GOLM2: variants seen among roughly 807,000 people sequenced by gnomAD.
GOLM2 encodes the protein protein GOLM2.
A neutral mutation model predicts 55.9 loss-of-function variants in GOLM2; 26 were observed. That is an observed-to-expected ratio of 0.47 (90% CI 0.34 to 0.65). The LOEUF (loss-of-function observed/expected upper bound fraction) is 0.65. Among genes scored for constraint, GOLM2 ranks in the 30% least tolerant of loss-of-function variants. The pLI, the probability that GOLM2 is intolerant of heterozygous loss-of-function variation, is 0.01. For synonymous variants in GOLM2, 165 were observed against 194.6 expected, an observed-to-expected ratio of 0.85 and a Z score of 1.27; for missense variants, 486 against 531.8, an observed-to-expected ratio of 0.91 and a Z score of 0.85.
At chr15:44,405,848 C>T (rs184610878) in intron 9 of GOLM2, among the ~76,000 whole-genome samples, 1 of 152,062 alleles carries the variant, frequency 6.6e-6, no homozygotes, top group Non-Finnish European at 1.5e-5. Context: ...CCTCGAACTC[C>T]TGACCTCAAG....
At chr15:44,390,498 C>T (rs191562246) in intron 8 of GOLM2, 9 of 152,190 alleles carry the variant, frequency 5.9e-5, no homozygotes, top group African/African-American at 1.9e-4. Context: ...ATTAATCATT[C>T]TCCCAAGGAA....
intron 6 of GOLM2, among the ~76,000 whole-genome samples, chr15:44,369,687 TATGC>T (rs1567037443): frequency 1.3e-5 from 1 of 79,714 alleles, no homozygotes; most frequent in Non-Finnish European, 2.5e-5. Flanking sequence ...CACATATATA[TATGC>T]ATACACACAC....
chr15:44,309,182 T>G (rs755566714), intron 1 of GOLM2, among the ~76,000 whole-genome samples: 33 of 152,296 alleles, frequency 2.2e-4, no homozygotes, highest in South Asian at 1.0e-3. Flanking sequence ...CCTTGAACAT[T>G]GTTGGTGGGA....
chr15:44,297,510 A>C (rs2078764360), intron 1 of GOLM2, among the ~76,000 whole-genome samples: 1 of 136,474 alleles, frequency 7.3e-6, no homozygotes, highest in African/African-American at 2.7e-5. Context: ...CTGCTGTTTG[A>C]CTCTTAGTTT....
chr15:44,397,051 G>T (rs1192795259), intron 8 of GOLM2, among the ~76,000 whole-genome samples: 2 of 152,094 alleles, frequency 1.3e-5, no homozygotes, highest in Non-Finnish European at 2.9e-5. Flanking sequence ...AGGATCCAAA[G>T]TAAATATAAT....
intron 1 of GOLM2, among the ~76,000 whole-genome samples, chr15:44,310,084 A>C (rs1020297413): frequency 6.6e-6 from 1 of 152,038 alleles, no homozygotes; most frequent in Non-Finnish European, 1.5e-5. Context: ...GGGTTTTGCA[A>C]TGTTGGCCAA....
At chr15:44,321,261 C>T (rs543927549) in intron 1 of GOLM2, among the ~76,000 whole-genome samples, 3 of 151,970 alleles carry the variant, frequency 2.0e-5, no homozygotes, top group South Asian at 2.1e-4. Context: ...TGCTTAAGCC[C>T]GGGAGTTCAA....
intron 1 of GOLM2, chr15:44,307,125 A>T (rs991934929): frequency 6.5e-6 from 1 of 154,980 alleles, no homozygotes; most frequent in African/African-American, 2.4e-5. Flanking sequence ...AGCAAGGTAC[A>T]ATAAGACAAG....
At chr15:44,362,773 T>C (rs1457625056) in intron 6 of GOLM2, among the ~76,000 whole-genome samples, 4 of 152,182 alleles carry the variant, frequency 2.6e-5, no homozygotes, top group South Asian at 2.1e-4. Context: ...AGAGGCATCA[T>C]GCTACCTGAC....
Position 44,340,313 on chromosome 15 carries a change from G to A in GOLM2, c.802+1996G>A, listed in dbSNP as rs191475248. ...TTCAGAGACAGGGTCTCATTCTGTT[G>A]CCCAGGCTAGAGTGCAGTGATCATA... On this transcript the variant is annotated intron_variant, in intron 6 of 9. Coordinates refer to ENST00000299957, the MANE Select transcript of GOLM2 (RefSeq NM_138423.4). Among the ~76,000 whole-genome samples, 7 of 152,006 alleles carry A rather than the reference G, an allele frequency of 4.6e-5. No homozygotes were observed. In the South Asian group the frequency reaches 8.3e-4, roughly 18 times the overall value.
chr15:44,297,315 A>G (rs2078763040), intron 1 of GOLM2, among the ~76,000 whole-genome samples: 2 of 152,164 alleles, frequency 1.3e-5, no homozygotes, highest in Non-Finnish European at 2.9e-5. Flanking sequence ...TGTATGACTC[A>G]CTGACTACAT....
chr15:44,343,029 C>CTA (rs1442192295), intron 6 of GOLM2, among the ~76,000 whole-genome samples: 2 of 152,112 alleles, frequency 1.3e-5, no homozygotes, highest in East Asian at 1.9e-4. Flanking sequence ...ATAGCAAGTG[C>CTA]TATATATATC....
intron 6 of GOLM2, among the ~76,000 whole-genome samples, chr15:44,349,638 G>A (rs937221930): frequency 3.3e-5 from 5 of 152,078 alleles, no homozygotes; most frequent in Non-Finnish European, 7.3e-5. Context: ...TAGACCAAAT[G>A]GACCTAATAG....
intron 6 of GOLM2, among the ~76,000 whole-genome samples, chr15:44,378,346 C>T (rs959044324): frequency 4.7e-4 from 70 of 149,764 alleles, no homozygotes; most frequent in East Asian, 2.9e-3. Flanking sequence ...TGAGCCACCG[C>T]GCCAGGACTT....
At chr15:44,298,966 T>G (rs895184465) in intron 1 of GOLM2, among the ~76,000 whole-genome samples, 1 of 152,050 alleles carries the variant, frequency 6.6e-6, no homozygotes, top group African/African-American at 2.4e-5. Flanking sequence ...ACCAGGTGCA[T>G]GAATACACAG....
At chr15:44,371,271 A>T (rs1028335425) in intron 6 of GOLM2, among the ~76,000 whole-genome samples, 4 of 152,188 alleles carry the variant, frequency 2.6e-5, no homozygotes, top group Non-Finnish European at 5.9e-5. Flanking sequence ...TACAGTGCTT[A>T]CAAACAGCTG....
At chr15:44,359,854 T>C (rs2079224758) in intron 6 of GOLM2, among the ~76,000 whole-genome samples, 1 of 152,218 alleles carries the variant, frequency 6.6e-6, no homozygotes, top group Non-Finnish European at 1.5e-5. Context: ...AGCGGATCTC[T>C]CGGGAGAAAC....
At chr15:44,349,010 A>T (rs998472362) in intron 6 of GOLM2, 4 of 152,418 alleles carry the variant, frequency 2.6e-5, no homozygotes, top group African/African-American at 9.6e-5. Context: ...CTGTAATCCC[A>T]GCACTTTGGG....
intron 1 of GOLM2, chr15:44,308,211 G>A (rs1336108893): frequency 6.6e-6 from 1 of 152,152 alleles, no homozygotes; most frequent in African/African-American, 2.4e-5. Flanking sequence ...CCATTAAGCA[G>A]TAATTCCCAT....
Sources: allele counts gnomAD v4.1 joint callset (sites outside exome capture counted in the v4.1 genomes callset), GRCh38; gene constraint gnomAD v4.1.1; transcripts MANE v1.5; gene names NCBI Gene and HGNC (gene_info 2026-07-23, HGNC 2026-07-21).